The following HELZ variants were observed in gnomAD, a reference collection of about 807,000 sequenced individuals.
HELZ encodes the protein helicase with zinc finger.
Under a neutral mutation model 218.2 loss-of-function variants are expected in HELZ, and 23 were observed. The observed-to-expected ratio is 0.11, with a 90% CI of 0.08 to 0.15. The LOEUF (loss-of-function observed/expected upper bound fraction) is 0.15, where lower values mean the gene tolerates loss of function less well. HELZ is among the 10% of genes least tolerant of loss of function. HELZ has a pLI of 1.00. For synonymous variants in HELZ, 814 were observed against 829.4 expected (o/e 0.98, Z 0.32); for missense variants, 1,813 against 2,353.7 (o/e 0.77, Z 4.75).
chr17:67,186,584 T>C (rs1444317235), intron 12 of HELZ, among the ~76,000 whole-genome samples: 2 of 152,204 alleles, frequency 1.3e-5, no homozygotes, highest in Non-Finnish European at 2.9e-5. Context: ...TTTCTAATTA[T>C]CATGTTTTAA....
rs558144578 is a variant in HELZ at position 67,096,585 on chromosome 17, T to C, written c.5242-9504A>G. Among the ~76,000 whole-genome samples the C allele has an allele frequency of 3.3e-5, 5 of 152,376 alleles. No individual in the cohort carries two copies. In the East Asian group the frequency reaches 9.6e-4, roughly 29 times the overall value. ...CACTTGCTGTTTCACCTTGCACTTTTATGTTATGGGGATGGCTTCTTTCCT... is the reference window on the plus strand; with the variant it reads ...CACTTGCTGTTTCACCTTGCACTTTCATGTTATGGGGATGGCTTCTTTCCT... On this transcript the variant is annotated intron_variant, in intron 31 of 32. Transcript: ENST00000358691.
intron 13 of HELZ, among the ~76,000 whole-genome samples, chr17:67,174,727 G>A (rs1298158704): frequency 6.6e-6 from 1 of 152,118 alleles, no homozygotes; most frequent in Non-Finnish European, 1.5e-5. Context: ...GAACCCAGGA[G>A]GCGGAGGTTC....
chr17:67,245,248 ACTCCCGC>A, upstream of HELZ: 1 of 972,744 alleles, frequency 1.0e-6, no homozygotes, highest in Non-Finnish European at 1.2e-6. Context: ...CCGGCCCCCG[ACTCCCGC>A]CTCCCGCCGC....
At chr17:67,187,348 A>G (rs528331368) in intron 12 of HELZ, among the ~76,000 whole-genome samples, 3 of 151,770 alleles carry the variant, frequency 2.0e-5, no homozygotes, top group African/African-American at 7.3e-5. Flanking sequence ...GATGTCACCT[A>G]ACTGTTAAAT....
At chr17:67,197,842 T>C (rs1376289811) in intron 7 of HELZ, among the ~76,000 whole-genome samples, 1 of 152,194 alleles carries the variant, frequency 6.6e-6, no homozygotes, top group African/African-American at 2.4e-5. Flanking sequence ...TGATTATCAG[T>C]AAAGCACTTA....
intron 7 of HELZ, among the ~76,000 whole-genome samples, chr17:67,195,838 C>CA: frequency 2.0e-5 from 2 of 101,560 alleles, no homozygotes; most frequent in East Asian, 3.3e-4. Flanking sequence ...GTTTCTTTTC[C>CA]TTTTTTTTTT....
intron 3 of HELZ, among the ~76,000 whole-genome samples, chr17:67,235,777 A>ACGGAGTC (rs2041164995): frequency 1.1e-5 from 1 of 90,502 alleles, no homozygotes; most frequent in Non-Finnish European, 2.0e-5. Flanking sequence ...TTTTTTTGAG[A>ACGGAGTC]CGGAGTCTCC....
intron 6 of HELZ, 65 bp downstream of exon 6, chr17:67,203,254 A>G: frequency 6.5e-7 from 1 of 1,540,480 alleles, no homozygotes; most frequent in South Asian, 1.2e-5. Flanking sequence ...TTTCCCCACA[A>G]TATACCTAAG....
intron 12 of HELZ, among the ~76,000 whole-genome samples, chr17:67,184,893 T>C (rs547071331): frequency 6.6e-6 from 1 of 152,236 alleles, no homozygotes; most frequent in South Asian, 2.1e-4. Flanking sequence ...AATCACTAAG[T>C]TTCCTTGTGT....
At chr17:67,239,264 C>A (rs923010478) in intron 3 of HELZ, among the ~76,000 whole-genome samples, 169 bp downstream of exon 3, 1 of 152,234 alleles carries the variant, frequency 6.6e-6, no homozygotes, top group Admixed American at 6.5e-5. Flanking sequence ...CTCTTCGGAG[C>A]TTGTTCATCA....
intron 3 of HELZ, among the ~76,000 whole-genome samples, chr17:67,235,529 A>ACAGAAGC (rs1307453163): frequency 4.0e-5 from 6 of 151,750 alleles, no homozygotes; most frequent in Non-Finnish European, 8.8e-5. Context: ...GAGAGAGACA[A>ACAGAAGC]CAGAAGCCAG....
Position 67,114,397 on chromosome 17 carries a change from CT to C in HELZ, c.3844del (p.Ser1282ValfsTer61). ...TTCAGGTCCGGAATTATTTGTATCA[CT>C]TTTACCTAAGAAAATATTTAAAAAT... ...DQHEQNRNGK[S>X]DTNNSGPEIN... On this transcript the variant is annotated frameshift_variant, in exon 28 of 33. Coordinates refer to ENST00000358691, the MANE Select transcript of HELZ (RefSeq NM_014877.4). LOFTEE classifies it high-confidence loss of function. 1 of 1,594,410 alleles carries C rather than the reference CT, an allele frequency of 6.3e-7. No homozygotes were observed. Among genetic ancestry groups the C allele is most frequent in the Non-Finnish European group, 8.6e-7 (1 of 1,162,404 alleles).
intron 27 of HELZ, among the ~76,000 whole-genome samples, chr17:67,117,846 C>T (rs114477488): frequency 0.011 from 1,681 of 151,786 alleles, 27 homozygotes; most frequent in African/African-American, 0.036. Context: ...CCACCGTGCT[C>T]GGCCTGAAAA....
In HELZ at chr17:67,099,360, C is replaced by T. The variant is rs73340992; in HGVS notation, c.5241+7809G>A. 7.3e-3 allele frequency among the ~76,000 whole-genome samples: 1,081 copies of T among 148,524 alleles called. 13 individuals are homozygous for T. The highest frequency in any genetic ancestry group is 0.026 in the African/African-American group (1,030 of 40,078). The stretch of plus-strand genomic sequence containing the variant: ...TAATTTCATTAATGTTGTTTAAAGG[C>T]TCATTTACCCTGCCAGAGAGATTCT... On this transcript the variant is annotated intron_variant, in intron 31 of 32. Coordinates refer to ENST00000358691, the MANE Select transcript of HELZ (RefSeq NM_014877.4).
At chr17:67,161,107 A>G (rs2038982780) in intron 15 of HELZ, 31 bp from the exon 16 acceptor site, 1 of 1,512,406 alleles carries the variant, frequency 6.6e-7, no homozygotes, top group Non-Finnish European at 9.0e-7. Flanking sequence ...TGTTAAACAC[A>G]TGCATCTCGT....
intron 18 of HELZ, among the ~76,000 whole-genome samples, chr17:67,150,462 T>C (rs2144044710): frequency 6.6e-6 from 1 of 152,288 alleles, no homozygotes; most frequent in South Asian, 2.1e-4. Flanking sequence ...GGTTAAGTTT[T>C]GCCATATTTA....
chr17:67,201,172 G>C lies in HELZ; in HGVS notation c.386C>G (p.Thr129Arg). 6.2e-7 allele frequency: 1 copy of C among 1,607,612 alleles called. No individual in the cohort carries two copies. Residue 129 changes from threonine (T) to arginine (R), a missense_variant, in exon 7 of 33, where the codon ACA (threonine) becomes AGA (arginine). Thr to Arg is a moderately conservative substitution (Grantham distance 71). Transcript: ENST00000358691. ...LTGESLNGMV[T>R]KDLTRLKTLL... is the part of the protein sequence containing the mutation. The stretch of plus-strand genomic sequence containing the variant: ...TGTTTTTAGTCTTGTCAAATCCTTT[G>C]TTACCATCCCATTCTGAAAGGGTGA...
chr17:67,092,628 C>A (rs1350077276), intron 31 of HELZ, among the ~76,000 whole-genome samples: 2 of 152,200 alleles, frequency 1.3e-5, no homozygotes, highest in Non-Finnish European at 2.9e-5. Flanking sequence ...CCAGGCAATA[C>A]ATCCTGTGAT....
intron 12 of HELZ, among the ~76,000 whole-genome samples, chr17:67,184,008 T>TAAAA (rs34266393): frequency 6.8e-6 from 1 of 146,556 alleles, no homozygotes; most frequent in African/African-American, 2.5e-5. Flanking sequence ...CAGTAATATT[T>TAAAA]AAAAAAAAAA....
Sources: gnomAD v4.1 joint callset for allele counts (sites outside exome capture counted in the v4.1 genomes callset) on GRCh38, gnomAD v4.1.1 for gene constraint, MANE v1.5 for transcripts, NCBI Gene and HGNC (gene_info 2026-07-23, HGNC 2026-07-21) for gene names.